The following AGBL4 variants were observed in gnomAD, a reference collection of about 807,000 sequenced individuals.
The protein encoded by AGBL4 is AGBL carboxypeptidase 4.
Under a neutral mutation model 66.4 loss-of-function variants are expected in AGBL4, and 58 were observed. The ratio of observed to expected loss-of-function variants is 0.87; its 90% CI spans 0.71 to 1.09. AGBL4 has a LOEUF of 1.09. AGBL4 is among the 50% of genes least tolerant of loss of function. The pLI, the probability that AGBL4 is intolerant of heterozygous loss-of-function variation, is 0.00. For synonymous variants in AGBL4, 234 were observed against 222.9 expected (o/e 1.05, Z -0.44); for missense variants, 579 against 631.0 (o/e 0.92, Z 0.88).
Position 49,756,438 on chromosome 1 carries a change from A to G in AGBL4, c.158-59001T>C, listed in dbSNP as rs181826824. Reference sequence around the variant, plus strand: ...ATTGCTCCACAATAGATTTGAGACTAAAGTCAGGCCTCTGGTTGAAGACAG... The same window carrying G: ...ATTGCTCCACAATAGATTTGAGACTGAAGTCAGGCCTCTGGTTGAAGACAG... On this transcript the variant is annotated intron_variant, in intron 2 of 13. Coordinates refer to ENST00000371839, the MANE Select transcript of AGBL4 (RefSeq NM_032785.4). Among the ~76,000 whole-genome samples the G allele has an allele frequency of 2.3e-3, 357 of 152,366 alleles. 3 individuals are homozygous for G. Among genetic ancestry groups the G allele is most frequent in the Admixed American group, 2.8e-3 (43 of 15,300 alleles).
chr1:48,985,841 T>G (rs1460565958), intron 5 of AGBL4, among the ~76,000 whole-genome samples: 2 of 151,948 alleles, frequency 1.3e-5, no homozygotes, highest in African/African-American at 4.8e-5. Context: ...TTGAAAATAA[T>G]GAGGAAAATA....
At chr1:49,044,635 A>G (rs1227407961) in intron 5 of AGBL4, among the ~76,000 whole-genome samples, 1 of 152,210 alleles carries the variant, frequency 6.6e-6, no homozygotes, top group Non-Finnish European at 1.5e-5. Flanking sequence ...TATGATTAAG[A>G]TAAAGATCTT....
intron 5 of AGBL4, among the ~76,000 whole-genome samples, chr1:48,975,580 C>T (rs191116916): frequency 3.3e-5 from 5 of 152,194 alleles, no homozygotes; most frequent in African/African-American, 1.2e-4. Context: ...CAAGTGATTA[C>T]GTGGCCTGAA....
chr1:48,957,938 G>C (rs1472281547), intron 5 of AGBL4, among the ~76,000 whole-genome samples: 2 of 151,980 alleles, frequency 1.3e-5, no homozygotes, highest in Non-Finnish European at 2.9e-5. Context: ...ATAAACTTCA[G>C]GATCCTTGGC....
intron 5 of AGBL4, among the ~76,000 whole-genome samples, chr1:49,007,412 G>T (rs1331467200): frequency 2.0e-5 from 3 of 150,706 alleles, no homozygotes; most frequent in Admixed American, 6.6e-5. Flanking sequence ...TGGTGTACCT[G>T]AAAGTGACGG....
chr1:48,668,588 C>T (rs1180706097), intron 6 of AGBL4, among the ~76,000 whole-genome samples: 1 of 152,136 alleles, frequency 6.6e-6, no homozygotes, highest in African/African-American at 2.4e-5. Flanking sequence ...TCCTAGGATG[C>T]CAGCCCCCAT....
chr1:49,637,264 C>T (rs769357332), intron 3 of AGBL4, among the ~76,000 whole-genome samples: 2 of 152,142 alleles, frequency 1.3e-5, no homozygotes, highest in African/African-American at 4.8e-5. Flanking sequence ...CTGACTAATA[C>T]AGCAGATAAA....
chr1:48,932,020 T>C (rs568297886), intron 5 of AGBL4, among the ~76,000 whole-genome samples: 1 of 152,074 alleles, frequency 6.6e-6, no homozygotes, highest in East Asian at 1.9e-4. Context: ...CCTGTCTGAC[T>C]CCCCAAAGAG....
At chr1:48,922,354 G>C (rs1654151128) in intron 5 of AGBL4, among the ~76,000 whole-genome samples, 1 of 152,128 alleles carries the variant, frequency 6.6e-6, no homozygotes, top group South Asian at 2.1e-4. Flanking sequence ...TTGAGTTTCA[G>C]AAGAAAAAAA....
intron 1 of AGBL4, among the ~76,000 whole-genome samples, chr1:49,968,050 C>T (rs1485254055): frequency 6.6e-6 from 1 of 151,782 alleles, no homozygotes; most frequent in Non-Finnish European, 1.5e-5. Flanking sequence ...ATGGTGAAAC[C>T]CCATCTCTAC....
intron 6 of AGBL4, among the ~76,000 whole-genome samples, chr1:48,800,141 G>A (rs1298445778): frequency 1.3e-5 from 2 of 151,986 alleles, no homozygotes; most frequent in South Asian, 2.1e-4. Context: ...ACATTTTTTT[G>A]TTGGCAATTT....
chr1:49,411,175 C>T (rs1227635426), intron 3 of AGBL4, among the ~76,000 whole-genome samples: 5 of 152,158 alleles, frequency 3.3e-5, no homozygotes, highest in Non-Finnish European at 7.3e-5. Flanking sequence ...TGAGAGACCC[C>T]AGCAAATCAC....
At chr1:49,592,212 A>G (rs1644764444) in intron 3 of AGBL4, among the ~76,000 whole-genome samples, 1 of 152,200 alleles carries the variant, frequency 6.6e-6, no homozygotes, top group African/African-American at 2.4e-5. Context: ...AACATCCAGA[A>G]TCTCCAAGGA....
chr1:49,655,148 A>T (rs1646097036), intron 3 of AGBL4, among the ~76,000 whole-genome samples: 1 of 152,138 alleles, frequency 6.6e-6, no homozygotes, highest in South Asian at 2.1e-4. Context: ...AAAATCTCTC[A>T]GCATTTGCTT....
At chr1:50,023,425 A>G (rs183236267) in intron 1 of AGBL4, among the ~76,000 whole-genome samples, 4 of 152,016 alleles carry the variant, frequency 2.6e-5, no homozygotes, top group African/African-American at 9.6e-5. Context: ...CACCCTTTCC[A>G]TGACACAGCC....
intron 3 of AGBL4, among the ~76,000 whole-genome samples, chr1:49,561,397 G>C (rs1644039350): frequency 6.6e-6 from 1 of 151,684 alleles, no homozygotes; most frequent in African/African-American, 2.4e-5. Context: ...ATGTTGGTGT[G>C]CTGCACCCAT....
intron 2 of AGBL4, among the ~76,000 whole-genome samples, chr1:49,842,732 G>C (rs74974189): frequency 0.023 from 3,451 of 152,198 alleles, 103 homozygotes; most frequent in African/African-American, 0.079. Context: ...GACTAGGATG[G>C]GGGTGAGGAG....
At chr1:49,867,235 C>T (rs1029402460) in intron 1 of AGBL4, among the ~76,000 whole-genome samples, 2 of 151,726 alleles carry the variant, frequency 1.3e-5, no homozygotes, top group African/African-American at 4.8e-5. Context: ...CGTCCTCTTT[C>T]CTTAATTCCA....
intron 2 of AGBL4, among the ~76,000 whole-genome samples, chr1:49,799,042 A>G (rs1293422704): frequency 6.6e-6 from 1 of 152,200 alleles, no homozygotes; most frequent in East Asian, 1.9e-4. Flanking sequence ...AAAATAAAAT[A>G]ATAATAATGT....
Sources: allele counts gnomAD v4.1 joint callset (sites outside exome capture counted in the v4.1 genomes callset), GRCh38; gene constraint gnomAD v4.1.1; transcripts MANE v1.5; gene names NCBI Gene and HGNC (gene_info 2026-07-23, HGNC 2026-07-21).